The following ADAMTSL1 variants were observed in gnomAD, a reference collection of about 807,000 sequenced individuals.
ADAMTSL1 encodes ADAMTS like 1.
A neutral mutation model predicts 201.8 loss-of-function variants in ADAMTSL1; 126 were observed. That is an observed-to-expected ratio of 0.62 (90% CI 0.54 to 0.72). ADAMTSL1 has a LOEUF of 0.72. Among genes scored for constraint, ADAMTSL1 ranks in the 30% least tolerant of loss-of-function variants. The pLI is 0.00. For missense variants in ADAMTSL1, 2,679 were observed against 2,277.8 expected, an observed-to-expected ratio of 1.18 and a Z score of -3.59; for synonymous variants, 1,121 against 903.4, an observed-to-expected ratio of 1.24 and a Z score of -4.32.
rs781240911 is a variant in ADAMTSL1, at chr9:18,707,046, G to A, written c.1874G>A (p.Gly625Glu). ...GFTKCSESCG[G>E]GVQEAVVSCL... is the part of the protein sequence containing the mutation. ...ACCAAGTGCTCCGAGTCCTGTGGAG[G>A]AGGTAAGAAAGGGGGCTCTGGCTCA... is the stretch of plus-strand genomic sequence containing the variant. The change falls in exon 14 of 29, where the codon GGA (glycine) becomes GAA (glutamate). Residue 625 changes from glycine to glutamate, a missense_variant and splice_region_variant. Gly to Glu is a moderately conservative substitution (Grantham distance 98). Transcript: ENST00000380548. The A allele has an allele frequency of 6.2e-7, 1 of 1,611,568 alleles. No individual in the cohort carries two copies. Among genetic ancestry groups the A allele is most frequent in the Non-Finnish European group, 8.5e-7 (1 of 1,178,172 alleles).
chr9:18,657,891 C>T, intron 8 of ADAMTSL1, 141 bp downstream of exon 8: 1 of 657,460 alleles, frequency 1.5e-6, no homozygotes. Flanking sequence ...AGTGGAATCT[C>T]GAGGCCCTCC....
At chr9:18,059,975 C>T (rs1822378043) in intron 1 of ADAMTSL1, among the ~76,000 whole-genome samples, 2 of 152,164 alleles carry the variant, frequency 1.3e-5, no homozygotes, top group Middle Eastern at 3.4e-3. Context: ...ATAGTACAGT[C>T]ACATAGTGTA....
At chr9:18,622,565 G>C (rs148222786) in intron 5 of ADAMTSL1, 196 bp downstream of exon 5, 1 of 720,574 alleles carries the variant, frequency 1.4e-6, no homozygotes, top group Admixed American at 2.9e-5. Flanking sequence ...CAGTCCCAAA[G>C]AGGAAGCCTG....
intron 25 of ADAMTSL1, among the ~76,000 whole-genome samples, chr9:18,892,096 T>A (rs748930726): frequency 6.6e-6 from 1 of 152,236 alleles, no homozygotes; most frequent in Non-Finnish European, 1.5e-5. Flanking sequence ...TGAACACTTG[T>A]TATGGCAGGC....
intron 2 of ADAMTSL1, among the ~76,000 whole-genome samples, chr9:18,245,425 G>A (rs904496599): frequency 2.0e-5 from 3 of 152,126 alleles, no homozygotes; most frequent in African/African-American, 7.2e-5. Context: ...TATTTCAAGT[G>A]CTCCATAGCT....
chr9:17,995,229 G>C (rs1735112963), intron 1 of ADAMTSL1, among the ~76,000 whole-genome samples: 1 of 152,124 alleles, frequency 6.6e-6, no homozygotes, highest in Admixed American at 6.6e-5. Context: ...TTCCTGAAGG[G>C]CAGAGAAAGA....
intron 2 of ADAMTSL1, among the ~76,000 whole-genome samples, chr9:18,359,729 A>G (rs980090117): frequency 6.6e-6 from 1 of 151,248 alleles, no homozygotes; most frequent in African/African-American, 2.4e-5. Context: ...AGCCTGATTC[A>G]TATTATTTTT....
intron 1 of ADAMTSL1, among the ~76,000 whole-genome samples, chr9:18,071,880 C>T (rs1048979696): frequency 1.3e-5 from 2 of 152,194 alleles, no homozygotes; most frequent in African/African-American, 4.8e-5. Context: ...TATTCATCAG[C>T]CGCACTTCCT....
intron 26 of ADAMTSL1, among the ~76,000 whole-genome samples, chr9:18,901,113 A>G (rs1829992840): frequency 1.3e-5 from 2 of 151,966 alleles, no homozygotes; most frequent in Admixed American, 1.3e-4. Flanking sequence ...TACTGCCTGT[A>G]AGACCATGAG....
intron 2 of ADAMTSL1, among the ~76,000 whole-genome samples, chr9:18,220,061 G>T (rs1377624018): frequency 3.9e-5 from 6 of 152,044 alleles, no homozygotes; most frequent in Admixed American, 2.6e-4. Context: ...TTTATTGGGG[G>T]TGTTTTTAGT....
chr9:18,277,983 A>G (rs902461272), intron 2 of ADAMTSL1, among the ~76,000 whole-genome samples: 20 of 152,154 alleles, frequency 1.3e-4, no homozygotes, highest in African/African-American at 4.8e-4. Context: ...AAGCTTACAT[A>G]AAATATCTTA....
At position 18,858,415 on chromosome 9, in the gene ADAMTSL1, C is replaced by T. The variant is rs117734259; in HGVS notation, c.4249+28438C>T. On this transcript the variant is annotated intron_variant, in intron 23 of 28. Coordinates refer to ENST00000380548, the MANE Select transcript of ADAMTSL1 (RefSeq NM_001040272.6). ...TTCAGCCTCAACATCCCATCCTGGA[C>T]TACCACGGCTCCCTGTCTCCCTATG... 9.2e-3 allele frequency among the ~76,000 whole-genome samples: 1,408 copies of T among 152,324 alleles called. 11 individuals carry two copies. Among genetic ancestry groups the T allele is most frequent in the Non-Finnish European group, 0.013 (885 of 68,030 alleles).
intron 1 of ADAMTSL1, among the ~76,000 whole-genome samples, chr9:18,061,223 A>G (rs1266241239): frequency 1.3e-5 from 2 of 152,360 alleles, no homozygotes; most frequent in East Asian, 3.9e-4. Context: ...TAGACAGGTC[A>G]CTTAGCAGCT....
chr9:18,320,122 G>C (rs1834561761), intron 2 of ADAMTSL1, among the ~76,000 whole-genome samples: 1 of 151,990 alleles, frequency 6.6e-6, no homozygotes, highest in African/African-American at 2.4e-5. Flanking sequence ...TTTGCCAAGA[G>C]TCTGGATGAA....
At chr9:18,245,412 T>C (rs1831222728) in intron 2 of ADAMTSL1, among the ~76,000 whole-genome samples, 1 of 152,180 alleles carries the variant, frequency 6.6e-6, no homozygotes, top group African/African-American at 2.4e-5. Context: ...TTTGGACTAG[T>C]CGTATTTCAA....
chr9:18,358,397 CATT>C (rs1251438513), intron 2 of ADAMTSL1, among the ~76,000 whole-genome samples: 2 of 152,080 alleles, frequency 1.3e-5, no homozygotes, highest in African/African-American at 4.8e-5. Context: ...ACATAAAACT[CATT>C]ATTTTAAAGT....
intron 1 of ADAMTSL1, among the ~76,000 whole-genome samples, chr9:17,939,342 G>A (rs1032461733): frequency 1.3e-5 from 2 of 151,084 alleles, no homozygotes; most frequent in African/African-American, 4.9e-5. Context: ...TGTCCAGTTG[G>A]ATTTTTTTGT....
At chr9:18,208,099 T>C (rs1829727837) in intron 2 of ADAMTSL1, among the ~76,000 whole-genome samples, 1 of 152,154 alleles carries the variant, frequency 6.6e-6, no homozygotes, top group Admixed American at 6.5e-5. Flanking sequence ...ATGTACATTT[T>C]GTTAGGGGTA....
chr9:17,918,369 A>C (rs1030901428), intron 1 of ADAMTSL1, among the ~76,000 whole-genome samples: 53 of 151,262 alleles, frequency 3.5e-4, no homozygotes, highest in African/African-American at 1.2e-3. Context: ...ACTTTCTTAT[A>C]ACCTTTTATT....
Sources: allele counts gnomAD v4.1 joint callset (sites outside exome capture counted in the v4.1 genomes callset), GRCh38; gene constraint gnomAD v4.1.1; transcripts MANE v1.5; gene names NCBI Gene and HGNC (gene_info 2026-07-23, HGNC 2026-07-21).